HDAC9: variants seen among roughly 807,000 people sequenced by gnomAD.
HDAC9 encodes the protein MEF-2 interacting transcription repressor (MITR) protein.
A neutral mutation model predicts 139.4 loss-of-function variants in HDAC9; 41 were observed. The ratio of observed to expected loss-of-function variants is 0.29; its 90% CI spans 0.23 to 0.38. The LOEUF (loss-of-function observed/expected upper bound fraction) is 0.38. HDAC9 is among the 10% of genes least tolerant of loss of function. The probability of loss-of-function intolerance (pLI) is 1.00; values close to 1 mark genes in which losing one functional copy is unlikely to be tolerated. For synonymous variants in HDAC9, 517 were observed against 476.2 expected (o/e 1.09, Z -1.12); for missense variants, 1,147 against 1,297.0 (o/e 0.88, Z 1.78).
intron 12 of HDAC9, among the ~76,000 whole-genome samples, chr7:18,696,384 C>T (rs966738338): frequency 6.8e-5 from 10 of 147,862 alleles, no homozygotes; most frequent in African/African-American, 1.5e-4. Flanking sequence ...AGTATAATAA[C>T]ATATTATACT....
At chr7:18,270,984 C>T (rs576887265) in intron 2 of HDAC9, among the ~76,000 whole-genome samples, 1 of 152,210 alleles carries the variant, frequency 6.6e-6, no homozygotes, top group South Asian at 2.1e-4. Flanking sequence ...AAAATTGATT[C>T]TGTGTGCTAA....
chr7:18,101,043 C>T (rs967318267), intron 1 of HDAC9, among the ~76,000 whole-genome samples: 1 of 152,122 alleles, frequency 6.6e-6, no homozygotes, highest in Non-Finnish European at 1.5e-5. Flanking sequence ...GTACTGTTCC[C>T]ATTAACACTT....
At position 18,476,091 on chromosome 7, in the gene HDAC9, C is replaced by T. The variant is rs186191384; in HGVS notation, c.-41-20171C>T. ...CCAATTTTTGGAAATCAAGACTCCT[C>T]TCTATTATAGTCTTAAACTTCAATT... On this transcript the variant is annotated intron_variant, in intron 1 of 3. Transcript: ENST00000413509. 5.3e-4 allele frequency among the ~76,000 whole-genome samples: 80 copies of T among 152,286 alleles called. 1 individual carries two copies. The East Asian group carries it at 0.015, about 28-fold the overall frequency.
intron 1 of HDAC9, among the ~76,000 whole-genome samples, chr7:18,450,674 AGAGGTCT>A (rs1187366567): frequency 2.6e-5 from 4 of 152,210 alleles, no homozygotes; most frequent in African/African-American, 7.2e-5. Flanking sequence ...TACAGAACTC[AGAGGTCT>A]GACTTGGAAT....
At chr7:18,256,779 T>G (rs1441890374) in intron 2 of HDAC9, among the ~76,000 whole-genome samples, 16 of 152,122 alleles carry the variant, frequency 1.1e-4, no homozygotes, top group Admixed American at 1.0e-3. Flanking sequence ...GAACAGGATT[T>G]TAAGTTTGTT....
intron 1 of HDAC9, among the ~76,000 whole-genome samples, chr7:18,420,574 C>T (rs887596563): frequency 6.6e-6 from 1 of 152,128 alleles, no homozygotes; most frequent in Admixed American, 6.6e-5. Flanking sequence ...TAAGTAAAGT[C>T]TTCTGAAAGC....
intron 1 of HDAC9, among the ~76,000 whole-genome samples, chr7:18,314,388 G>A (rs994625622): frequency 2.0e-5 from 3 of 152,190 alleles, no homozygotes; most frequent in African/African-American, 7.2e-5. Context: ...AACAGGAAAA[G>A]TCGGGGAGAT....
chr7:18,263,903 G>C (rs1165576683), intron 2 of HDAC9, among the ~76,000 whole-genome samples: 1 of 152,156 alleles, frequency 6.6e-6, no homozygotes, highest in African/African-American at 2.4e-5. Context: ...ACAGGTGTAA[G>C]CCACCACGTG....
chr7:18,475,106 A>G (rs1022931576), intron 1 of HDAC9, among the ~76,000 whole-genome samples: 1 of 152,176 alleles, frequency 6.6e-6, no homozygotes, highest in Non-Finnish European at 1.5e-5. Flanking sequence ...CATGGTCAGG[A>G]GGAATCCTTT....
chr7:18,949,246 G>A (rs1262348150), intron 23 of HDAC9: 6 of 198,354 alleles, frequency 3.0e-5, no homozygotes, highest in South Asian at 8.0e-5. Flanking sequence ...CCTTGTCATC[G>A]TCATCTTCAT....
intron 1 of HDAC9, among the ~76,000 whole-genome samples, chr7:18,419,619 T>C (rs1328109953): frequency 6.6e-6 from 1 of 152,196 alleles, no homozygotes; most frequent in Non-Finnish European, 1.5e-5. Context: ...TACAGAACTC[T>C]TTATTTAAAG....
chr7:18,399,977 G>C (rs1485843270), intron 1 of HDAC9, among the ~76,000 whole-genome samples: 1 of 152,184 alleles, frequency 6.6e-6, no homozygotes, highest in African/African-American at 2.4e-5. Flanking sequence ...CTGTCCTTGT[G>C]TCAGGGTACC....
At chr7:18,771,078 G>C (rs915602348) in intron 16 of HDAC9, among the ~76,000 whole-genome samples, 1 of 152,108 alleles carries the variant, frequency 6.6e-6, no homozygotes, top group Non-Finnish European at 1.5e-5. Flanking sequence ...AGCTGTGGAC[G>C]AGGGAGAACA....
chr7:18,648,414 G>GTGTT, intron 10 of HDAC9, 52 bp from the exon 11 acceptor site: 1 of 1,162,608 alleles, frequency 8.6e-7, no homozygotes, highest in Non-Finnish European at 1.3e-6. Flanking sequence ...GTGTGTATGT[G>GTGTT]TGTGTGTGTG....
chr7:18,388,403 T>C (rs1786145894), intron 1 of HDAC9, among the ~76,000 whole-genome samples: 1 of 152,190 alleles, frequency 6.6e-6, no homozygotes, highest in Non-Finnish European at 1.5e-5. Flanking sequence ...GCCCCAATAT[T>C]GTTTTGTGCA....
intron 2 of HDAC9, among the ~76,000 whole-genome samples, chr7:18,258,517 T>TA (rs1364135426): frequency 2.0e-5 from 3 of 152,124 alleles, no homozygotes; most frequent in African/African-American, 7.2e-5. Flanking sequence ...CAGAGTCCAT[T>TA]AGCAGGGGCA....
intron 2 of HDAC9, among the ~76,000 whole-genome samples, chr7:18,265,736 C>CA (rs1165498316): frequency 1.3e-5 from 2 of 151,998 alleles, no homozygotes; most frequent in Non-Finnish European, 2.9e-5. Flanking sequence ...TGCATTGTTG[C>CA]AAATAGCTTT....
chr7:18,795,441 C>A (rs946885652), intron 17 of HDAC9, among the ~76,000 whole-genome samples: 3 of 152,032 alleles, frequency 2.0e-5, no homozygotes, highest in Admixed American at 6.6e-5. Flanking sequence ...ATCCATGGCA[C>A]TGGCATTTTG....
At chr7:18,178,471 A>G (rs1415622062) in intron 2 of HDAC9, among the ~76,000 whole-genome samples, 1 of 152,190 alleles carries the variant, frequency 6.6e-6, no homozygotes, top group Non-Finnish European at 1.5e-5. Flanking sequence ...GTGGTTTCAT[A>G]CTGAGTTCTC....
Sources: allele counts gnomAD v4.1 joint callset (sites outside exome capture counted in the v4.1 genomes callset), GRCh38; gene constraint gnomAD v4.1.1; transcripts MANE v1.5; gene names NCBI Gene and HGNC (gene_info 2026-07-23, HGNC 2026-07-21).